MCC: variants seen among roughly 807,000 people sequenced by gnomAD.
MCC encodes MCC regulator of Wnt signaling pathway.
A neutral mutation model predicts 116.2 loss-of-function variants in MCC; 90 were observed. The observed-to-expected ratio is 0.77, with a 90% CI of 0.65 to 0.92. The LOEUF (loss-of-function observed/expected upper bound fraction) is 0.92. MCC is among the 40% of genes least tolerant of loss of function. The pLI is 0.00. For missense variants in MCC, 1,516 were observed against 1,312.2 expected (o/e 1.16, Z -2.40); for synonymous variants, 578 against 510.5 (o/e 1.13, Z -1.78).
chr5:113,349,673 T>C (rs970751851), intron 2 of MCC, among the ~76,000 whole-genome samples: 5 of 152,088 alleles, frequency 3.3e-5, no homozygotes, highest in Non-Finnish European at 7.4e-5. Context: ...TTATTCAGCA[T>C]AGTACTGGAA....
In MCC at chr5:113,039,132, T is replaced by C. The variant is rs148529026; in HGVS notation, c.2756+4398A>G. Reference sequence around the variant, plus strand: ...GCTCTGCTCCTCACCATGGCTCAGGTGATGTATCATGGTGAGGAGCAGCGC... The same window carrying C: ...GCTCTGCTCCTCACCATGGCTCAGGCGATGTATCATGGTGAGGAGCAGCGC... On this transcript the variant is annotated intron_variant, in intron 17 of 18. Transcript: ENST00000408903. 7.3e-3 allele frequency among the ~76,000 whole-genome samples: 1,118 copies of C among 152,294 alleles called. 11 individuals carry two copies. Among genetic ancestry groups the C allele is most frequent in the African/African-American group, 0.025 (1,035 of 41,574 alleles).
At chr5:113,092,624 A>G (rs558849932) in intron 8 of MCC, among the ~76,000 whole-genome samples, 1 of 152,356 alleles carries the variant, frequency 6.6e-6, no homozygotes, top group East Asian at 1.9e-4. Flanking sequence ...TGCTGAAAGA[A>G]TTTCCTAAGA....
Position 113,163,999 on chromosome 5 carries a change from T to C in MCC, c.628-12577A>G, listed in dbSNP as rs183191876. On this transcript the variant is annotated intron_variant, in intron 3 of 18. Transcript: ENST00000408903. ...TTTCTATAATAAACATATATTAGTA[T>C]TATACAATTTTTAAGTGTTTTCTTG... Among the ~76,000 whole-genome samples the C allele has an allele frequency of 3.3e-5, 5 of 152,332 alleles. No homozygotes were observed. The East Asian group carries it at 9.6e-4, about 29-fold the overall frequency.
At chr5:113,094,263 G>C (rs1436425059) in intron 8 of MCC, among the ~76,000 whole-genome samples, 1 of 152,082 alleles carries the variant, frequency 6.6e-6, no homozygotes, top group African/African-American at 2.4e-5. Context: ...ACAGAAGAGA[G>C]AGATCACAAA....
At chr5:113,221,201 CATAAAAGAAAA>C (rs1209907909) in intron 3 of MCC, among the ~76,000 whole-genome samples, 1 of 152,258 alleles carries the variant, frequency 6.6e-6, no homozygotes, top group South Asian at 2.1e-4. Context: ...GAGACGCTGT[CATAAAAGAAAA>C]TAAGAGAAAA....
At chr5:113,480,072 C>A (rs1772336886) in intron 1 of MCC, among the ~76,000 whole-genome samples, 2 of 152,132 alleles carry the variant, frequency 1.3e-5, no homozygotes, top group Admixed American at 1.3e-4. Flanking sequence ...AGTTAGATGA[C>A]TTTTCTCTCT....
intron 3 of MCC, among the ~76,000 whole-genome samples, chr5:113,170,485 C>A (rs1433485422): frequency 6.6e-6 from 1 of 152,022 alleles, no homozygotes; most frequent in Non-Finnish European, 1.5e-5. Flanking sequence ...CCCACAGTAC[C>A]CAGCCTTTGC....
intron 2 of MCC, among the ~76,000 whole-genome samples, chr5:113,344,825 G>C (rs1358743173): frequency 1.3e-5 from 2 of 152,096 alleles, no homozygotes; most frequent in Non-Finnish European, 2.9e-5. Flanking sequence ...GTGAGACTCA[G>C]AGCTATGCTG....
At chr5:113,224,722 C>A (rs563280929) in intron 3 of MCC, among the ~76,000 whole-genome samples, 1 of 152,224 alleles carries the variant, frequency 6.6e-6, no homozygotes, top group East Asian at 1.9e-4. Context: ...AAGGACTTTC[C>A]TGAAGTACAA....
At chr5:113,161,929 G>A (rs1034091130) in intron 3 of MCC, among the ~76,000 whole-genome samples, 3 of 152,314 alleles carry the variant, frequency 2.0e-5, no homozygotes, top group Admixed American at 6.5e-5. Context: ...TTCAGGGAAG[G>A]CCCAGGCAGG....
At chr5:113,370,369 C>A (rs1221925110) in intron 2 of MCC, among the ~76,000 whole-genome samples, 2 of 152,146 alleles carry the variant, frequency 1.3e-5, no homozygotes, top group African/African-American at 4.8e-5. Context: ...CAAAGTGACA[C>A]CATTATAGAA....
chr5:113,233,959 G>A (rs1255022016), intron 3 of MCC, among the ~76,000 whole-genome samples: 1 of 152,166 alleles, frequency 6.6e-6, no homozygotes, highest in Non-Finnish European at 1.5e-5. Flanking sequence ...GAGATACAGT[G>A]TATATGCAAA....
chr5:113,488,406 C>G lies in MCC; in HGVS notation c.9G>C (p.Ala3=). MM[A]AAAAAAAGSS... is the part of the protein sequence containing the mutation. ...TCCCCGCAGCCGCTGCCGCCGCGGC[C>G]GCCATCATGCGCCCGCTCCCTACTT... Residue 3 remains alanine (A), a synonymous_variant, in exon 1 of 19, where the codon GCG becomes GCC. Transcript: ENST00000408903. The G allele has an allele frequency of 1.4e-6, 2 of 1,394,932 alleles. No individual in the cohort carries two copies. Among genetic ancestry groups the G allele is most frequent in the Non-Finnish European group, 1.8e-6 (2 of 1,086,490 alleles). The allele number at this position is 1,394,932 out of a possible 1,614,324, so 86.4% of individuals were successfully genotyped here.
intron 1 of MCC, among the ~76,000 whole-genome samples, chr5:113,475,128 G>C (rs148472091): frequency 0.013 from 1,908 of 152,272 alleles, 18 homozygotes; most frequent in Middle Eastern, 0.065. Context: ...TTAAATAATA[G>C]ACAACAGGTG....
In MCC at chr5:113,044,526, G is replaced by C. The variant is rs1004059112; in HGVS notation, c.2656-896C>G. On this transcript the variant is annotated intron_variant, in intron 16 of 18. Coordinates refer to ENST00000408903, the MANE Select transcript of MCC (RefSeq NM_001085377.2). ...GAGTGCTACCAAGCTGCAGACCTGA[G>C]AATAAAAAGCTTGTGATCTGTTGCA... 5.1e-6 allele frequency: 5 copies of C among 972,504 alleles called. No individual in the cohort carries two copies. The African/African-American group carries it at 8.8e-5, about 17-fold the overall frequency. 60.2% of individuals were successfully genotyped at this position (972,504 alleles called of 1,614,324 possible).
At chr5:113,058,512 T>C (rs1487027501) in intron 14 of MCC, among the ~76,000 whole-genome samples, 2 of 152,122 alleles carry the variant, frequency 1.3e-5, no homozygotes, top group African/African-American at 4.8e-5. Context: ...GAAGCACTGG[T>C]CTCCCCCTCA....
rs754361263 is a variant in MCC at position 113,143,264 on chromosome 5, C to A, written c.838G>T (p.Ala280Ser). Residue 280 changes from alanine (A) to serine (S), a missense_variant, in exon 5 of 19, where the codon GCG becomes TCG. Ala to Ser is a moderately conservative substitution (Grantham distance 99, BLOSUM62 1). Coordinates refer to ENST00000408903, the MANE Select transcript of MCC (RefSeq NM_001085377.2). The stretch of plus-strand genomic sequence containing the variant: ...CGGTCTATCTTCTTGTTGAGCTCCG[C>A]AATGACGCTGTGGAGCTCTGTGATG... ...ERITELHSVI[A>S]ELNKKIDRLQ... 1 of 1,613,108 alleles carries A rather than the reference C, an allele frequency of 6.2e-7. No homozygotes were observed. The highest frequency in any genetic ancestry group is 1.3e-5 in the African/African-American group (1 of 74,890).
chr5:113,415,901 G>C lies in MCC; in HGVS notation c.171-30689C>G, dbSNP rs183048689. On this transcript the variant is annotated intron_variant, in intron 1 of 18. Transcript: ENST00000408903. The stretch of plus-strand genomic sequence containing the variant: ...TCTGCTCTGGTTTCTCCCCATCTTT[G>C]TGGTTTTATCTACCTTTGGTCTTTG... 2.0e-3 allele frequency among the ~76,000 whole-genome samples: 312 copies of C among 152,296 alleles called. 2 individuals are homozygous for C. The highest frequency in any genetic ancestry group is 7.1e-3 in the African/African-American group (297 of 41,570).
At chr5:113,060,710 A>G (rs1041261669) in intron 14 of MCC, among the ~76,000 whole-genome samples, 1 of 152,242 alleles carries the variant, frequency 6.6e-6, no homozygotes, top group African/African-American at 2.4e-5. Flanking sequence ...CCATGTCTAT[A>G]CCTTGTTCTC....
Sources: allele counts gnomAD v4.1 joint callset (sites outside exome capture counted in the v4.1 genomes callset), GRCh38; gene constraint gnomAD v4.1.1; transcripts MANE v1.5; gene names NCBI Gene and HGNC (gene_info 2026-07-23, HGNC 2026-07-21).